SRL: variants seen among roughly 807,000 people sequenced by gnomAD.
SRL encodes the protein sarcalumenin.
A neutral mutation model predicts 39.5 loss-of-function variants in SRL; 23 were observed. The ratio of observed to expected loss-of-function variants is 0.58; its 90% confidence interval spans 0.42 to 0.82. The LOEUF is 0.82. Among genes scored for constraint, SRL ranks in the 40% least tolerant of loss-of-function variants. The pLI is 0.00. For synonymous variants in SRL, 272 were observed against 237.4 expected (o/e 1.15, Z -1.34); for missense variants, 592 against 607.8 (o/e 0.97, Z 0.27).
At chr16:4,228,676 A>G (rs969015914) in intron 1 of SRL, among the ~76,000 whole-genome samples, 3 of 152,174 alleles carry the variant, frequency 2.0e-5, no homozygotes, top group East Asian at 1.9e-4. Context: ...CGGAGCTTGC[A>G]GTGAGCCAAG....
At chr16:4,209,548 G>C (rs910586455) in intron 1 of SRL, among the ~76,000 whole-genome samples, 6 of 152,094 alleles carry the variant, frequency 3.9e-5, no homozygotes, top group African/African-American at 1.4e-4. Context: ...ACAAAGAAAA[G>C]CCACTTCTTG....
intron 1 of SRL, chr16:4,206,579 C>T (rs1371297723): frequency 4.8e-6 from 2 of 413,098 alleles, no homozygotes; most frequent in African/African-American, 2.0e-5. Context: ...CAATGCACAG[C>T]CTGAAGCCAC....
At chr16:4,230,297 C>T (rs1345317183) in intron 1 of SRL, among the ~76,000 whole-genome samples, 1 of 152,102 alleles carries the variant, frequency 6.6e-6, no homozygotes, top group East Asian at 1.9e-4. Flanking sequence ...CCCCTCCACC[C>T]AGTGGAAGAC....
intron 2 of SRL, among the ~76,000 whole-genome samples, chr16:4,203,504 T>C (rs113545445): frequency 2.0e-5 from 3 of 152,232 alleles, no homozygotes; most frequent in African/African-American, 7.2e-5. Context: ...CCTGAACTGT[T>C]TGGTTATTTT....
At chr16:4,204,830 G>A (rs751656064) in intron 1 of SRL, among the ~76,000 whole-genome samples, 196 bp from the exon 2 acceptor site, 16 of 152,162 alleles carry the variant, frequency 1.1e-4, no homozygotes, top group Non-Finnish European at 1.5e-4. Context: ...TAGTGTATTC[G>A]CATTCGGGGA....
At chr16:4,208,701 A>C (rs897656780) in intron 1 of SRL, among the ~76,000 whole-genome samples, 1 of 152,190 alleles carries the variant, frequency 6.6e-6, no homozygotes, top group Non-Finnish European at 1.5e-5. Context: ...TGTGGCTCTC[A>C]ACCTTATTAA....
intron 1 of SRL, among the ~76,000 whole-genome samples, chr16:4,212,517 G>A (rs1427723326): frequency 6.6e-6 from 1 of 152,144 alleles, no homozygotes; most frequent in East Asian, 1.9e-4. Flanking sequence ...ATTGGCCCTG[G>A]AGCAGGGAGG....
At chr16:4,216,840 C>T (rs1293066596) in intron 1 of SRL, among the ~76,000 whole-genome samples, 2 of 152,126 alleles carry the variant, frequency 1.3e-5, no homozygotes, top group African/African-American at 4.8e-5. Context: ...GGCTGGCTTC[C>T]CCCCACATCC....
At chr16:4,210,486 C>CTTTTT (rs555999418) in intron 1 of SRL, among the ~76,000 whole-genome samples, 15,164 of 103,396 alleles carry the variant, frequency 0.15, 2,132 homozygotes, top group Middle Eastern at 0.24. Flanking sequence ...TTACTCATAT[C>CTTTTT]TTTTTTTTTT....
In SRL at chr16:4,193,150, C is replaced by G. The variant is rs1398160778; in HGVS notation, c.611-186G>C. Among the ~76,000 whole-genome samples, 4 of 152,188 alleles carry G rather than the reference C, an allele frequency of 2.6e-5. No homozygotes were observed. The South Asian group carries it at 6.2e-4, about 24-fold the overall frequency. On this transcript the variant is annotated intron_variant, in intron 5 of 5. Transcript: ENST00000399609. ...TCCCTTGCCAATCTTCAACCAAGAA[C>G]AGCCTGATCCTTGTTTTTCTTGTTG... is the stretch of plus-strand genomic sequence containing the variant.
chr16:4,211,854 CGAT>C (rs2052398367), intron 1 of SRL, among the ~76,000 whole-genome samples: 1 of 151,086 alleles, frequency 6.6e-6, no homozygotes, highest in African/African-American at 2.4e-5. Context: ...GTGATGACGA[CGAT>C]GACGACGATG....
chr16:4,199,622 T>G (rs1358687079), intron 3 of SRL, among the ~76,000 whole-genome samples: 2 of 150,380 alleles, frequency 1.3e-5, no homozygotes, highest in East Asian at 3.9e-4. Context: ...CCACCCACCT[T>G]GGCCTCCCAA....
At chr16:4,227,602 G>T (rs2052607794) in intron 1 of SRL, among the ~76,000 whole-genome samples, 1 of 152,134 alleles carries the variant, frequency 6.6e-6, no homozygotes, top group Admixed American at 6.6e-5. Flanking sequence ...TGGATGAATG[G>T]ATGGATCGAT....
intron 1 of SRL, among the ~76,000 whole-genome samples, chr16:4,215,372 A>G (rs1460385871): frequency 6.6e-6 from 1 of 152,228 alleles, no homozygotes; most frequent in Admixed American, 6.5e-5. Context: ...TGATTCATCC[A>G]GGGAATCAGA....
Position 4,229,938 on chromosome 16 carries a change from G to C in SRL, c.61+12069C>G, listed in dbSNP as rs2052640786. Among the ~76,000 whole-genome samples the C allele has an allele frequency of 2.0e-5, 3 of 152,060 alleles. No homozygotes were observed. In the South Asian group the frequency reaches 6.2e-4, roughly 31 times the overall value. On this transcript the variant is annotated intron_variant, in intron 1 of 5. Coordinates refer to ENST00000399609, the MANE Select transcript of SRL (RefSeq NM_001098814.2). ...CGTGCAGAAGAAGAGCTGGGCCTCAGGTCACAGAGTAAGCTGGTCCTGGGC... is the reference window on the plus strand; with the variant it reads ...CGTGCAGAAGAAGAGCTGGGCCTCACGTCACAGAGTAAGCTGGTCCTGGGC...
At chr16:4,206,875 C>A (rs1398671372) in intron 1 of SRL, 1 of 456,590 alleles carries the variant, frequency 2.2e-6, no homozygotes, top group East Asian at 6.9e-5. Context: ...CTTGTGGTTC[C>A]TGTGGCTTCC....
At chr16:4,226,406 A>C (rs1050973482) in intron 1 of SRL, among the ~76,000 whole-genome samples, 11 of 151,402 alleles carry the variant, frequency 7.3e-5, no homozygotes, top group Non-Finnish European at 1.3e-4. Context: ...GAATGGATGG[A>C]TGGGATGGAT....
At chr16:4,240,937 T>C (rs968097605) in intron 1 of SRL, among the ~76,000 whole-genome samples, 1 of 152,184 alleles carries the variant, frequency 6.6e-6, no homozygotes, top group Non-Finnish European at 1.5e-5. Flanking sequence ...GCACATGCAG[T>C]GGCTGGAGCC....
intron 1 of SRL, among the ~76,000 whole-genome samples, chr16:4,222,647 C>CCCCAGGATGGTTGCAGGTGT (rs145582448): frequency 0.12 from 18,271 of 152,040 alleles, 1,850 homozygotes; most frequent in African/African-American, 0.28. Context: ...TGTGACTTGT[C>CCCCAGGATGGTTGCAGGTGT]CCCACTGGAG....
Sources: allele counts gnomAD v4.1 joint callset (sites outside exome capture counted in the v4.1 genomes callset), GRCh38; gene constraint gnomAD v4.1.1; transcripts MANE v1.5; gene names NCBI Gene and HGNC (gene_info 2026-07-23, HGNC 2026-07-21).